KREMEN1: variants seen among roughly 807,000 people sequenced by gnomAD.
KREMEN1 encodes kringle containing transmembrane protein 1.
Under a neutral mutation model 46.5 loss-of-function variants are expected in KREMEN1, and 30 were observed. The observed-to-expected ratio is 0.65, with a 90% CI of 0.48 to 0.88. KREMEN1 has a LOEUF of 0.88. KREMEN1 is among the 40% of genes least tolerant of loss of function. The pLI is 0.00. For missense variants in KREMEN1, 533 were observed against 596.9 expected, an observed-to-expected ratio of 0.89 and a Z score of 1.11; for synonymous variants, 214 against 230.6, an observed-to-expected ratio of 0.93 and a Z score of 0.65.
chr22:29,163,277 C>G (rs1403365181), intron 9 of KREMEN1, among the ~76,000 whole-genome samples: 3 of 152,172 alleles, frequency 2.0e-5, no homozygotes, highest in African/African-American at 4.8e-5. Flanking sequence ...TGCCTTCCGC[C>G]ATGCTTGTAA....
rs1277741208 is a variant in KREMEN1 at position 29,144,887 on chromosome 22, C to G, written c.*2775C>G. On this transcript the variant is annotated 3_prime_UTR_variant, in exon 9 of 9. Coordinates refer to ENST00000400335, the MANE Select transcript of KREMEN1 (RefSeq NM_001039570.3). ...CGGGGGCAGCACTTCCTCGGAGGGC[C>G]TGGGAGGTGCTGGGGATGCCCCAGC... 2.0e-6 allele frequency: 2 copies of G among 985,430 alleles called. No individual in the cohort carries two copies. The highest frequency in any genetic ancestry group is 5.2e-4 in the Middle Eastern group (1 of 1,936). 61.0% of individuals were successfully genotyped at this position (985,430 alleles called of 1,614,324 possible). A position where few individuals can be genotyped will look rare whatever the true frequency, so the allele number is the denominator to read the frequency against.
At position 29,134,117 on chromosome 22, in the gene KREMEN1, T is replaced by TTAAAAAAAAATTCA. The variant is rs773987707; in HGVS notation, c.632-3223_632-3210dup. 69 of 151,504 alleles carry TTAAAAAAAAATTCA rather than the reference T, an allele frequency of 4.6e-4. 1 individual carries two copies. The highest frequency in any genetic ancestry group is 7.9e-4 in the Admixed American group (12 of 15,240). 9.4% of individuals were successfully genotyped at this position (151,504 alleles called of 1,614,324 possible). A position where few individuals can be genotyped will look rare whatever the true frequency, so the allele number is the denominator to read the frequency against. ...TGCGAATTCATGAAGCATTCTATAATTAAAAAAAAATTCATCTCCAATATT... is the reference window on the plus strand; with the variant it reads ...TGCGAATTCATGAAGCATTCTATAATTAAAAAAAAATTCATAAAAAAAAATTCATCTCCAATATT... On this transcript the variant is annotated intron_variant, in intron 5 of 8. Coordinates refer to ENST00000400335, the MANE Select transcript of KREMEN1 (RefSeq NM_001039570.3).
At chr22:29,088,243 C>T (rs1242550628) in intron 1 of KREMEN1, among the ~76,000 whole-genome samples, 1 of 152,096 alleles carries the variant, frequency 6.6e-6, no homozygotes, top group African/African-American at 2.4e-5. Context: ...CTCATGTTAT[C>T]TTACCTTTTA....
intron 3 of KREMEN1, among the ~76,000 whole-genome samples, chr22:29,106,551 C>T (rs755377548): frequency 9.9e-5 from 15 of 152,108 alleles, no homozygotes; most frequent in East Asian, 1.9e-4. Flanking sequence ...TCTACTCTCC[C>T]GCCTCCATTT....
At position 29,142,811 on chromosome 22, in the gene KREMEN1, A is replaced by G. The variant is rs2038786530; in HGVS notation, c.*699A>G. On this transcript the variant is annotated 3_prime_UTR_variant, in exon 9 of 9. Coordinates refer to ENST00000400335, the MANE Select transcript of KREMEN1 (RefSeq NM_001039570.3). ...CTTCTTTCTAGATTCTTCTTTCCAT[A>G]GCTCATGGAGCTGCAGGGAAAGCTT... 2 of 985,482 alleles carry G rather than the reference A, an allele frequency of 2.0e-6. No homozygotes were observed. Among genetic ancestry groups the G allele is most frequent in the African/African-American group, 3.5e-5 (2 of 57,376 alleles). 61.0% of individuals were successfully genotyped at this position (985,482 alleles called of 1,614,324 possible).
intron 6 of KREMEN1, among the ~76,000 whole-genome samples, chr22:29,138,388 G>T (rs1332370998): frequency 1.3e-5 from 2 of 152,220 alleles, no homozygotes; most frequent in Admixed American, 1.3e-4. Flanking sequence ...CCATGCCCAG[G>T]TGTCTGAGAT....
chr22:29,080,288 C>G (rs2037633709), intron 1 of KREMEN1, among the ~76,000 whole-genome samples: 1 of 152,260 alleles, frequency 6.6e-6, no homozygotes, highest in Non-Finnish European at 1.5e-5. Context: ...GAGACTGTAG[C>G]ATCTGGTGAG....
chr22:29,073,260 G>T lies in KREMEN1; in HGVS notation c.97+33G>T. ...TGAGCGACCCCCCGCCGCCCGCCCT[G>T]AGCGGAGCCCACTCGAGGGGCGACA... On this transcript the variant is annotated intron_variant, in intron 1 of 8. Transcript: ENST00000400335. The surrounding 1 kb of genome is among the most constrained non-coding windows in gnomAD (Gnocchi z 4.4). The T allele has an allele frequency of 9.8e-7, 1 of 1,019,184 alleles. No individual in the cohort carries two copies. Among genetic ancestry groups the T allele is most frequent in the Non-Finnish European group, 1.2e-6 (1 of 809,592 alleles). 63.1% of individuals were successfully genotyped at this position (1,019,184 alleles called of 1,614,324 possible). A position where few individuals can be genotyped will look rare whatever the true frequency, so the allele number is the denominator to read the frequency against.
chr22:29,166,136 G>A (rs1461325010), intron 9 of KREMEN1, among the ~76,000 whole-genome samples: 3 of 151,772 alleles, frequency 2.0e-5, no homozygotes, highest in East Asian at 1.9e-4. Context: ...CCACATGCAC[G>A]CCCACCATAA....
chr22:29,082,621 A>G (rs149696290), intron 1 of KREMEN1, among the ~76,000 whole-genome samples: 2 of 152,100 alleles, frequency 1.3e-5, no homozygotes, highest in South Asian at 2.1e-4. Flanking sequence ...GGCACCTTCT[A>G]TGTGGTCTGT....
At chr22:29,114,380 G>T (rs2038200588) in intron 3 of KREMEN1, among the ~76,000 whole-genome samples, 1 of 151,678 alleles carries the variant, frequency 6.6e-6, no homozygotes, top group Non-Finnish European at 1.5e-5. Context: ...CAGCTACTCG[G>T]GAGGCTGAGG....
In KREMEN1 at chr22:29,144,732, TTCAGTTGCCTG is replaced by T. The variant is rs2038825919; in HGVS notation, c.*2621_*2631del. ...AGTTCACCCGGCCAGGGGGCAGTTG[TTCAGTTGCCTG>T]GGGCTGACACTGACCACTGGCCTCT... On this transcript the variant is annotated 3_prime_UTR_variant, in exon 9 of 9. Coordinates refer to ENST00000400335, the MANE Select transcript of KREMEN1 (RefSeq NM_001039570.3). 1.7e-5 allele frequency: 17 copies of T among 985,410 alleles called. No homozygotes were observed. Among genetic ancestry groups the T allele is most frequent in the Non-Finnish European group, 2.0e-5 (17 of 830,002 alleles). 61.0% of individuals were successfully genotyped at this position (985,410 alleles called of 1,614,324 possible). A position where few individuals can be genotyped will look rare whatever the true frequency, so the allele number is the denominator to read the frequency against.
At chr22:29,131,624 A>G (rs2038546649) in intron 5 of KREMEN1, among the ~76,000 whole-genome samples, 2 of 133,658 alleles carry the variant, frequency 1.5e-5, no homozygotes, top group African/African-American at 6.2e-5. Flanking sequence ...ATATATATGT[A>G]TATATGTATA....
intron 1 of KREMEN1, among the ~76,000 whole-genome samples, chr22:29,079,162 A>G (rs2037617284): frequency 6.6e-6 from 1 of 152,170 alleles, no homozygotes; most frequent in Non-Finnish European, 1.5e-5. Context: ...GCGTCCATAC[A>G]CCTCACAAAT....
intron 1 of KREMEN1, among the ~76,000 whole-genome samples, chr22:29,085,697 G>A (rs538324550): frequency 1.3e-5 from 2 of 152,206 alleles, no homozygotes; most frequent in South Asian, 2.1e-4. Context: ...TAAGTAGGCC[G>A]GGCACAATAG....
intron 5 of KREMEN1, among the ~76,000 whole-genome samples, chr22:29,128,802 G>GTTTCCA (rs1161116574): frequency 1.3e-5 from 2 of 152,230 alleles, no homozygotes; most frequent in Non-Finnish European, 2.9e-5. Flanking sequence ...GTCTATGCTA[G>GTTTCCA]TAAGTGCCAG....
At chr22:29,141,129 T>A (rs1427893403) in intron 8 of KREMEN1, among the ~76,000 whole-genome samples, 2 of 152,212 alleles carry the variant, frequency 1.3e-5, no homozygotes, top group Non-Finnish European at 2.9e-5. Context: ...TGCGAGCTCT[T>A]CCATTGCGTT....
At chr22:29,136,062 T>C (rs2038651820) in intron 5 of KREMEN1, among the ~76,000 whole-genome samples, 1 of 152,046 alleles carries the variant, frequency 6.6e-6, no homozygotes, top group South Asian at 2.1e-4. Flanking sequence ...GCTGGGACTA[T>C]AGTCACACGC....
At chr22:29,133,542 C>A (rs1307686759) in intron 5 of KREMEN1, among the ~76,000 whole-genome samples, 1 of 152,174 alleles carries the variant, frequency 6.6e-6, no homozygotes. Context: ...CTCAAGCAGT[C>A]CTCCTGCCTT....
Sources: allele counts gnomAD v4.1 joint callset (sites outside exome capture counted in the v4.1 genomes callset), GRCh38; gene constraint gnomAD v4.1.1; non-coding constraint Gnocchi (gnomAD v3.1); transcripts MANE v1.5; gene names NCBI Gene and HGNC (gene_info 2026-07-23, HGNC 2026-07-21).